The following CDH18 variants were observed in gnomAD, a reference collection of about 807,000 sequenced individuals.
CDH18 encodes the protein cadherin-18.
Under a neutral mutation model 67.9 loss-of-function variants are expected in CDH18, and 31 were observed. The observed-to-expected ratio is 0.46, with a 90% CI of 0.34 to 0.62. CDH18 has a LOEUF of 0.62. Ranked by LOEUF, CDH18 falls within the 20% of genes least tolerant of loss-of-function variation. The pLI is 0.01. For synonymous variants in CDH18, 362 were observed against 347.2 expected, an observed-to-expected ratio of 1.04 and a Z score of -0.48; for missense variants, 890 against 975.5, an observed-to-expected ratio of 0.91 and a Z score of 1.17.
At position 20,289,568 on chromosome 5, in the gene CDH18, C is replaced by T. The variant is rs1416675823; in HGVS notation, c.-579-34063G>A. 2.0e-5 allele frequency among the ~76,000 whole-genome samples: 3 copies of T among 151,874 alleles called. 1 individual carries two copies. In the East Asian group the frequency reaches 5.8e-4, roughly 29 times the overall value. On this transcript the variant is annotated intron_variant, in intron 1 of 14. Coordinates refer to the CDH18 transcript ENST00000507958. ...AGTGCCAATTTTGGGACTTTCTAAC[C>T]CTAGGACCACAGTCAATATCTTTCT...
chr5:19,728,057 C>G (rs1158119069), intron 4 of CDH18, among the ~76,000 whole-genome samples: 2 of 152,120 alleles, frequency 1.3e-5, no homozygotes, highest in Non-Finnish European at 2.9e-5. Flanking sequence ...TTATTACCCT[C>G]TACGTGCTAG....
chr5:19,762,712 T>C (rs1772530338), intron 3 of CDH18, among the ~76,000 whole-genome samples: 1 of 152,090 alleles, frequency 6.6e-6, no homozygotes, highest in African/African-American at 2.4e-5. Context: ...GATGTAGAAC[T>C]AGAAATACCA....
At chr5:19,570,040 C>G (rs1195636256) in intron 8 of CDH18, among the ~76,000 whole-genome samples, 1 of 152,060 alleles carries the variant, frequency 6.6e-6, no homozygotes, top group East Asian at 1.9e-4. Context: ...CATGACCTAT[C>G]TCTATTCCCA....
At chr5:20,246,623 A>G (rs1246444517) in intron 2 of CDH18, among the ~76,000 whole-genome samples, 2 of 152,122 alleles carry the variant, frequency 1.3e-5, no homozygotes, top group Non-Finnish European at 2.9e-5. Flanking sequence ...GAAGAAACCA[A>G]TGGCTTTGAT....
intron 2 of CDH18, among the ~76,000 whole-genome samples, chr5:20,094,226 T>C (rs2150564995): frequency 6.6e-6 from 1 of 152,278 alleles, no homozygotes; most frequent in East Asian, 1.9e-4. Context: ...TAGCCACCTA[T>C]TAGAGAATAG....
intron 2 of CDH18, among the ~76,000 whole-genome samples, chr5:19,918,687 C>T (rs1306185463): frequency 6.6e-6 from 1 of 151,812 alleles, no homozygotes; most frequent in African/African-American, 2.4e-5. Flanking sequence ...TATTAAAATT[C>T]CATTTTGAAA....
At chr5:19,741,191 T>TATATATGTATATATGTC (rs1412853734) in intron 4 of CDH18, among the ~76,000 whole-genome samples, 1 of 149,746 alleles carries the variant, frequency 6.7e-6, no homozygotes, top group African/African-American at 2.4e-5. Flanking sequence ...GTCATCTATG[T>TATATATGTATATATGTC]ATATATGTAT....
chr5:20,256,179 A>G (rs951729487), intron 1 of CDH18, among the ~76,000 whole-genome samples: 1 of 152,076 alleles, frequency 6.6e-6, no homozygotes, highest in East Asian at 1.9e-4. Context: ...TGTTGTATGT[A>G]TACACAACAT....
At chr5:20,174,001 G>A (rs1479312860) in intron 2 of CDH18, among the ~76,000 whole-genome samples, 2 of 152,014 alleles carry the variant, frequency 1.3e-5, no homozygotes, top group South Asian at 4.1e-4. Flanking sequence ...ACCACTTTAG[G>A]AATGAAAAGC....
intron 5 of CDH18, among the ~76,000 whole-genome samples, chr5:19,642,677 T>C (rs1237982855): frequency 6.6e-6 from 1 of 151,902 alleles, no homozygotes; most frequent in East Asian, 1.9e-4. Context: ...CTACCCAAAA[T>C]GGATTAAAGA....
intron 3 of CDH18, among the ~76,000 whole-genome samples, chr5:19,767,117 A>C (rs1374292841): frequency 1.3e-5 from 2 of 152,024 alleles, no homozygotes; most frequent in Non-Finnish European, 2.9e-5. Flanking sequence ...ATGTGTAAAA[A>C]TATTAAAATA....
At position 20,202,620 on chromosome 5, in the gene CDH18, T is replaced by C. The variant is rs1396362; in HGVS notation, c.-518+52824A>G. Among the ~76,000 whole-genome samples the C allele has an allele frequency of 8.8e-3, 1,340 of 152,228 alleles. 24 individuals are homozygous for C. Among genetic ancestry groups the C allele is most frequent in the African/African-American group, 0.03 (1,230 of 41,562 alleles). On this transcript the variant is annotated intron_variant, in intron 2 of 14. Coordinates refer to the CDH18 transcript ENST00000507958. ...GCCCAAATGAAAGAGTATTTTGTTCTTAATGAATTTTACTCTCCCACATTC... is the reference window on the plus strand; with the variant it reads ...GCCCAAATGAAAGAGTATTTTGTTCCTAATGAATTTTACTCTCCCACATTC...
intron 8 of CDH18, among the ~76,000 whole-genome samples, chr5:19,565,253 T>G (rs1247817786): frequency 6.6e-6 from 1 of 152,150 alleles, no homozygotes; most frequent in Non-Finnish European, 1.5e-5. Flanking sequence ...CAGTGATATG[T>G]TCATTTCAGT....
intron 5 of CDH18, among the ~76,000 whole-genome samples, chr5:19,717,338 A>C (rs1442253822): frequency 1.3e-5 from 2 of 152,082 alleles, no homozygotes; most frequent in African/African-American, 4.8e-5. Context: ...AATGGCCATG[A>C]AAGTAATGAG....
intron 9 of CDH18, among the ~76,000 whole-genome samples, chr5:19,523,765 T>C (rs1747306604): frequency 6.6e-6 from 1 of 152,144 alleles, no homozygotes; most frequent in Non-Finnish European, 1.5e-5. Context: ...CTAGATGATG[T>C]AATTTCCCTG....
chr5:19,936,184 G>A (rs1430164262), intron 2 of CDH18, among the ~76,000 whole-genome samples: 1 of 151,184 alleles, frequency 6.6e-6, no homozygotes, highest in Admixed American at 6.6e-5. Flanking sequence ...TTTAAAATGT[G>A]TTTTTCTGAG....
intron 1 of CDH18, among the ~76,000 whole-genome samples, chr5:20,533,938 A>G (rs1054086371): frequency 6.6e-6 from 1 of 152,048 alleles, no homozygotes; most frequent in Non-Finnish European, 1.5e-5. Flanking sequence ...AATGTCACAG[A>G]TTTTTATATA....
At chr5:19,907,155 T>C (rs16888141) in intron 2 of CDH18, among the ~76,000 whole-genome samples, 28,584 of 151,902 alleles carry the variant, frequency 0.19, 4,146 homozygotes, top group African/African-American at 0.4. Context: ...ATGTCAGTAA[T>C]GCAAGACATT....
At chr5:19,490,871 C>G (rs1741353742) in intron 11 of CDH18, among the ~76,000 whole-genome samples, 1 of 151,852 alleles carries the variant, frequency 6.6e-6, no homozygotes, top group Non-Finnish European at 1.5e-5. Context: ...ATAGGTAAAA[C>G]AACAATCAAT....
Sources: gnomAD v4.1 joint callset for allele counts (sites outside exome capture counted in the v4.1 genomes callset) on GRCh38, gnomAD v4.1.1 for gene constraint, MANE v1.5 for transcripts, NCBI Gene and HGNC (gene_info 2026-07-23, HGNC 2026-07-21) for gene names.